Variants in ZNF385A observed in about 807,000 individuals in gnomAD.
ZNF385A encodes hematopoietic zinc finger protein.
In ZNF385A, 14 loss-of-function variants were observed where a neutral mutation model predicts 32.1. The observed-to-expected ratio is 0.44, with a 90% confidence interval of 0.29 to 0.68. The LOEUF (loss-of-function observed/expected upper bound fraction) is 0.68. Ranked by LOEUF, ZNF385A falls within the 30% of genes least tolerant of loss-of-function variation. ZNF385A has a pLI of 0.14. For synonymous variants in ZNF385A, 197 were observed against 202.7 expected (o/e 0.97, Z 0.24); for missense variants, 406 against 478.4 (o/e 0.85, Z 1.41).
intron 1 of ZNF385A, among the ~76,000 whole-genome samples, chr12:54,378,374 A>C (rs1193468429): frequency 6.6e-6 from 1 of 152,114 alleles, no homozygotes; most frequent in Non-Finnish European, 1.5e-5. Context: ...TGGCTTGGAC[A>C]CGGCCTCGAA....
At chr12:54,380,839 G>A (rs981522179) in intron 1 of ZNF385A, among the ~76,000 whole-genome samples, 1 of 152,134 alleles carries the variant, frequency 6.6e-6, no homozygotes, top group African/African-American at 2.4e-5. Context: ...ACAACCTTGT[G>A]AGCTGGTGTT....
chr12:54,383,026 G>A (rs1365566189), intron 1 of ZNF385A, among the ~76,000 whole-genome samples: 1 of 151,978 alleles, frequency 6.6e-6, no homozygotes, highest in Admixed American at 6.6e-5. Context: ...GCTGGGCATG[G>A]TGGTACGTGC....
upstream of ZNF385A, chr12:54,385,661 C>T (rs770529384): frequency 6.2e-5 from 61 of 985,420 alleles, no homozygotes; most frequent in Middle Eastern, 5.2e-4. Flanking sequence ...CAGACACCAC[C>T]CCCTTTCATA....
intron 2 of ZNF385A, among the ~76,000 whole-genome samples, chr12:54,375,174 C>G (rs1954776244): frequency 6.6e-6 from 1 of 152,102 alleles, no homozygotes; most frequent in Admixed American, 6.5e-5. Flanking sequence ...CAAAAGCTCT[C>G]AGGGCCTGCA....
intron 1 of ZNF385A, among the ~76,000 whole-genome samples, chr12:54,390,396 C>T (rs761802619): frequency 1.2e-4 from 18 of 152,038 alleles, no homozygotes; most frequent in Non-Finnish European, 2.1e-4. Flanking sequence ...CTGTGGCTGA[C>T]GGGCTGTCAG....
In ZNF385A at chr12:54,370,349, A is replaced by G. The variant is rs1389843007; in HGVS notation, c.1008T>C (p.Leu336=). Residue 336 remains leucine, a synonymous_variant, in exon 7 of 7, where the codon CTT becomes CTC. Transcript: ENST00000394313. The surrounding 1 kb of genome is among the most constrained non-coding windows in gnomAD (Gnocchi z 5.5). The stretch of plus-strand genomic sequence containing the variant: ...GGTGAGTGATCGGCGGTCCCTGGAG[A>G]AGAGGTGCGGCTGGAGCCGGGCGCA... ...LSLRPAPAAP[L]LQGPPITHPL... 6 of 1,503,092 alleles carry G rather than the reference A, an allele frequency of 4.0e-6. No individual in the cohort carries two copies. The South Asian group carries it at 8.0e-5, about 20-fold the overall frequency. The allele number at this position is 1,503,092 out of a possible 1,614,324, so 93.1% of individuals were successfully genotyped here. A position where few individuals can be genotyped will look rare whatever the true frequency, so the allele number is the denominator to read the frequency against.
In ZNF385A at chr12:54,375,885, C is replaced by T. The variant is rs781736220; in HGVS notation, c.157G>A (p.Val53Ile). 36 of 1,613,992 alleles carry T rather than the reference C, an allele frequency of 2.2e-5. 1 individual carries two copies. In the Middle Eastern group the frequency reaches 4.9e-4, roughly 22 times the overall value. The part of the protein sequence containing the change: ...GGPLLKTKRP[V>I]ISCNICQIRF... ...ATTTGACAGATATTACAGGAAATGA[C>T]GGGCCGCTTGGTCTTGAGCAAGGGT... The change falls in exon 2 of 7, where the codon GTC (valine) becomes ATC (isoleucine). Residue 53 changes from valine (V) to isoleucine (I), a missense_variant. By Grantham distance (29) the Val-to-Ile change is conservative (BLOSUM62 3). Coordinates refer to ENST00000394313, the MANE Select transcript of ZNF385A (RefSeq NM_015481.3).
intron 1 of ZNF385A, among the ~76,000 whole-genome samples, chr12:54,376,348 C>T (rs1160800918): frequency 6.6e-6 from 1 of 152,094 alleles, no homozygotes; most frequent in Non-Finnish European, 1.5e-5. Context: ...TCCCAAAGCA[C>T]CCTAGATCCT....
chr12:54,382,845 A>T (rs553831400), intron 1 of ZNF385A, among the ~76,000 whole-genome samples: 2 of 150,542 alleles, frequency 1.3e-5, no homozygotes, highest in African/African-American at 5.0e-5. Flanking sequence ...TTTTTTTTAA[A>T]AAAAATATTT....
intron 1 of ZNF385A, among the ~76,000 whole-genome samples, chr12:54,376,731 C>T (rs147662834): frequency 6.6e-4 from 101 of 152,312 alleles, no homozygotes; most frequent in Non-Finnish European, 1.3e-3. Flanking sequence ...GGTCAGCAGA[C>T]GTCTTTGCAG....
intron 1 of ZNF385A, among the ~76,000 whole-genome samples, chr12:54,383,769 C>T (rs1378327353): frequency 6.6e-6 from 1 of 152,212 alleles, no homozygotes; most frequent in Admixed American, 6.5e-5. Context: ...GTGGCACACG[C>T]CTGTAATCCC....
intron 1 of ZNF385A, among the ~76,000 whole-genome samples, chr12:54,382,255 T>C (rs1955230474): frequency 6.9e-6 from 1 of 143,928 alleles, no homozygotes; most frequent in Admixed American, 6.9e-5. Flanking sequence ...TTTTTTTTTT[T>C]AGTAGAGACG....
chr12:54,387,790 A>C (rs1955533840), upstream of ZNF385A, among the ~76,000 whole-genome samples: 1 of 152,354 alleles, frequency 6.6e-6, no homozygotes, highest in South Asian at 2.1e-4. Context: ...CAATTGGCTC[A>C]GAAGGAGAGT....
chr12:54,383,099 T>A (rs1592264144), intron 1 of ZNF385A, among the ~76,000 whole-genome samples: 1 of 151,814 alleles, frequency 6.6e-6, no homozygotes, highest in Non-Finnish European at 1.5e-5. Flanking sequence ...GAGGCGGAGG[T>A]TGCAATGAGT....
intron 1 of ZNF385A, among the ~76,000 whole-genome samples, chr12:54,377,241 C>T (rs1954893686): frequency 6.6e-6 from 1 of 152,152 alleles, no homozygotes; most frequent in Admixed American, 6.5e-5. Context: ...AGATGGTGGC[C>T]TCATCCACTC....
At position 54,375,766 on chromosome 12, in the gene ZNF385A, C is replaced by T. The variant is rs1238948298; in HGVS notation, c.198+78G>A. The T allele has an allele frequency of 3.2e-6, 4 of 1,266,642 alleles. No homozygotes were observed. The East Asian group carries it at 7.0e-5, about 22-fold the overall frequency. 78.5% of individuals were successfully genotyped at this position (1,266,642 alleles called of 1,614,324 possible). On this transcript the variant is annotated intron_variant, in intron 2 of 6. Transcript: ENST00000394313. The stretch of plus-strand genomic sequence containing the variant: ...CCCTCAACCAGAGTAAGTGTTCTCA[C>T]CCAGCCTCTGCCCTCCCTCAAGTTC...
At chr12:54,391,254 C>T (rs957659420) in exon 1 of ZNF385A, 216 of 1,395,996 alleles carry the variant, frequency 1.5e-4, no homozygotes, top group Non-Finnish European at 1.9e-4. Flanking sequence ...TGCTGGGGAC[C>T]CAGGCGCCCG....
intron 3 of ZNF385A, 23 bp from the exon 4 acceptor site, chr12:54,371,738 G>A (rs777307408): frequency 6.2e-6 from 10 of 1,610,762 alleles, no homozygotes; most frequent in South Asian, 4.4e-5. Flanking sequence ...GAGAAACATG[G>A]GGATCACCCT....
At chr12:54,371,330 G>A (rs1259634519) in intron 4 of ZNF385A, 143 bp downstream of exon 4, 5 of 1,195,328 alleles carry the variant, frequency 4.2e-6, no homozygotes, top group Non-Finnish European at 5.9e-6. Context: ...AAGGAACAGG[G>A]GAGATGGCTG....
Sources: allele counts gnomAD v4.1 joint callset (sites outside exome capture counted in the v4.1 genomes callset), GRCh38; gene constraint gnomAD v4.1.1; non-coding constraint Gnocchi (gnomAD v3.1); transcripts MANE v1.5; gene names NCBI Gene and HGNC (gene_info 2026-07-23, HGNC 2026-07-21).